Variants in CHSY3 observed in about 807,000 individuals in gnomAD.
The protein encoded by CHSY3 is N-acetylgalactosaminyl-proteoglycan 3-beta-glucuronosyltransferase 3.
CHSY3 carries 35 observed loss-of-function variants against 67.2 expected under a neutral mutation model. The observed-to-expected ratio is 0.52, with a 90% confidence interval of 0.40 to 0.69. CHSY3 has a LOEUF of 0.69. CHSY3 is among the 30% of genes least tolerant of loss of function. The pLI is 0.00. For synonymous variants in CHSY3, 474 were observed against 434.7 expected (o/e 1.09, Z -1.12); for missense variants, 1,069 against 1,138.5 (o/e 0.94, Z 0.88).
At chr5:130,097,282 A>G (rs1347339097) in intron 2 of CHSY3, among the ~76,000 whole-genome samples, 1 of 152,246 alleles carries the variant, frequency 6.6e-6, no homozygotes, top group Non-Finnish European at 1.5e-5. Flanking sequence ...CACCAATACT[A>G]TTAGGCTGAC....
chr5:129,960,166 G>A (rs1762289825), intron 2 of CHSY3, among the ~76,000 whole-genome samples: 1 of 152,018 alleles, frequency 6.6e-6, no homozygotes, highest in African/African-American at 2.4e-5. Context: ...CTCTTTGTGG[G>A]CTTTACAGGA....
chr5:129,909,421 GT>G, intron 2 of CHSY3, among the ~76,000 whole-genome samples: 1 of 151,376 alleles, frequency 6.6e-6, no homozygotes, highest in East Asian at 1.9e-4. Flanking sequence ...AGTTTCATTT[GT>G]TTTTTTTGTA....
At chr5:129,978,924 C>T (rs1479167682) in intron 2 of CHSY3, among the ~76,000 whole-genome samples, 2 of 151,884 alleles carry the variant, frequency 1.3e-5, no homozygotes, top group Non-Finnish European at 2.9e-5. Flanking sequence ...ATTGGCCGGG[C>T]GTGGTGGCTC....
At chr5:130,026,225 G>T (rs191183747) in intron 2 of CHSY3, among the ~76,000 whole-genome samples, 1 of 152,108 alleles carries the variant, frequency 6.6e-6, no homozygotes, top group Admixed American at 6.6e-5. Flanking sequence ...GTTTCTTATA[G>T]CATTCATAGA....
At chr5:130,098,400 G>A (rs758535073) in intron 2 of CHSY3, among the ~76,000 whole-genome samples, 35 of 152,148 alleles carry the variant, frequency 2.3e-4, no homozygotes, top group Non-Finnish European at 3.8e-4. Context: ...GGGTGTTTGT[G>A]GGAGCTGGTG....
At chr5:130,093,104 C>T (rs969185893) in intron 2 of CHSY3, among the ~76,000 whole-genome samples, 4 of 152,092 alleles carry the variant, frequency 2.6e-5, no homozygotes, top group Non-Finnish European at 5.9e-5. Context: ...TTATAAATAC[C>T]ATCTCTATGG....
chr5:130,160,048 G>A (rs1769485608), intron 2 of CHSY3, among the ~76,000 whole-genome samples: 2 of 152,282 alleles, frequency 1.3e-5, no homozygotes, highest in South Asian at 4.1e-4. Flanking sequence ...ACTCTGTTTT[G>A]AGACTGTTAG....
intron 2 of CHSY3, among the ~76,000 whole-genome samples, chr5:130,037,262 T>C (rs1355942060): frequency 1.3e-5 from 2 of 152,064 alleles, no homozygotes; most frequent in Non-Finnish European, 2.9e-5. Context: ...TCACCACCAA[T>C]GCAGCTGAGG....
intron 2 of CHSY3, among the ~76,000 whole-genome samples, chr5:129,953,270 C>G (rs4320297): frequency 0.94 from 143,492 of 152,198 alleles, 67,745 homozygotes; most frequent in East Asian, 1. Flanking sequence ...GAGAATGATG[C>G]TTTCCAGCTT....
chr5:130,109,338 A>G (rs1462628662), intron 2 of CHSY3, among the ~76,000 whole-genome samples: 3 of 151,626 alleles, frequency 2.0e-5, no homozygotes, highest in African/African-American at 4.8e-5. Context: ...TTTCTACTTC[A>G]TTTCCACTAG....
intron 2 of CHSY3, among the ~76,000 whole-genome samples, chr5:130,145,382 T>C (rs868491034): frequency 1.8e-4 from 27 of 152,232 alleles, no homozygotes; most frequent in Middle Eastern, 3.4e-3. Flanking sequence ...CTGGGAAAAT[T>C]TGATATCCAC....
At chr5:130,158,690 GA>G (rs1209829009) in intron 2 of CHSY3, among the ~76,000 whole-genome samples, 5 of 152,176 alleles carry the variant, frequency 3.3e-5, no homozygotes, top group African/African-American at 1.2e-4. Flanking sequence ...TGGGTGAGCT[GA>G]AAACTTATTC....
rs1409097311 is a variant in CHSY3 at position 130,152,256 on chromosome 5, T to C, written c.1087-31973T>C. 2.0e-5 allele frequency among the ~76,000 whole-genome samples: 3 copies of C among 152,218 alleles called. No homozygotes were observed. In the East Asian group the frequency reaches 5.8e-4, roughly 29 times the overall value. The stretch of plus-strand genomic sequence containing the variant: ...GCAGAATAGTTGAAGCCAAAGTAAT[T>C]TGCAAACCTTGTGACCATAATCAAA... On this transcript the variant is annotated intron_variant, in intron 2 of 2. Transcript: ENST00000305031.
In CHSY3 at chr5:129,904,515, C is replaced by T. The variant is rs1760150369; in HGVS notation, c.-315C>T. On this transcript the variant is annotated 5_prime_UTR_variant, in exon 1 of 3. Transcript: ENST00000305031. ...GGACGCGTTGCCGCCGCCGCTGCTC[C>T]TCCTCCTCCTCCTGCAGCTCCTCCA... 7.3e-6 allele frequency: 2 copies of T among 272,340 alleles called. No individual in the cohort carries two copies. Among genetic ancestry groups the T allele is most frequent in the Non-Finnish European group, 1.3e-5 (2 of 149,584 alleles). The allele number at this position is 272,340 out of a possible 1,614,324, so 16.9% of individuals were successfully genotyped here.
Position 129,905,375 on chromosome 5 carries a change from G to A in CHSY3, c.546G>A (p.Lys182=), listed in dbSNP as rs1263260505. The A allele has an allele frequency of 3.8e-6, 6 of 1,592,098 alleles. No individual in the cohort carries two copies. The highest frequency in any genetic ancestry group is 5.1e-6 in the Non-Finnish European group (6 of 1,171,640). Residue 182 remains lysine (K), a synonymous_variant, in exon 1 of 3, where the codon AAG becomes AAA. Transcript: ENST00000305031. ...ACGTGGGGGTGATGACCGCGCAGAAGTACCTGGGCAGCCGCGCGCTGGCCG... is the reference window on the plus strand; with the variant it reads ...ACGTGGGGGTGATGACCGCGCAGAAATACCTGGGCAGCCGCGCGCTGGCCG... ...FLYVGVMTAQ[K]YLGSRALAAQ...
chr5:130,172,359 C>T (rs1275065342), intron 2 of CHSY3, among the ~76,000 whole-genome samples: 31 of 144,698 alleles, frequency 2.1e-4, no homozygotes, highest in Admixed American at 1.9e-3. Flanking sequence ...GAGACAGGGG[C>T]TCACTTTGCC....
chr5:130,123,668 T>C (rs768958847), intron 2 of CHSY3, among the ~76,000 whole-genome samples: 23 of 152,198 alleles, frequency 1.5e-4, no homozygotes, highest in Non-Finnish European at 3.1e-4. Context: ...CTGTTTCTTT[T>C]GTGCATTTGT....
In CHSY3 at chr5:130,184,901, A is replaced by G; in HGVS notation, c.1759A>G (p.Ile587Val). The change falls in exon 3 of 3, where the codon ATT becomes GTT. Residue 587 changes from isoleucine to valine, a missense_variant. By Grantham distance (29) the Ile-to-Val change is conservative (BLOSUM62 3). Coordinates refer to ENST00000305031, the MANE Select transcript of CHSY3 (RefSeq NM_175856.5). ...AGATGTCAACAGTCTTGTGGAGAGT[A>G]TTAACAGTGAAACTCAGTCATTCTC... ...ELDVNSLVES[I>V]NSETQSFSFI... The G allele has an allele frequency of 6.5e-7, 1 of 1,544,312 alleles. No individual in the cohort carries two copies.
intron 2 of CHSY3, among the ~76,000 whole-genome samples, chr5:130,147,553 G>C (rs1431956952): frequency 6.6e-6 from 1 of 152,080 alleles, no homozygotes; most frequent in South Asian, 2.1e-4. Flanking sequence ...ATGTGTATTA[G>C]GCCATTCTTA....
Sources: gnomAD v4.1 joint callset for allele counts (sites outside exome capture counted in the v4.1 genomes callset) on GRCh38, gnomAD v4.1.1 for gene constraint, MANE v1.5 for transcripts, NCBI Gene and HGNC (gene_info 2026-07-23, HGNC 2026-07-21) for gene names.